The following PELI2 variants were observed in gnomAD, a reference collection of about 807,000 sequenced individuals.
PELI2 encodes E3 ubiquitin-protein ligase pellino homolog 2.
Under a neutral mutation model 42.3 loss-of-function variants are expected in PELI2, and 23 were observed. The observed-to-expected ratio is 0.54, with a 90% confidence interval of 0.39 to 0.77. The LOEUF (loss-of-function observed/expected upper bound fraction) is 0.77. Among genes scored for constraint, PELI2 ranks in the 30% least tolerant of loss-of-function variants. The probability of loss-of-function intolerance (pLI) is 0.00; values close to 1 mark genes in which losing one functional copy is unlikely to be tolerated. For synonymous variants in PELI2, 245 were observed against 212.2 expected (o/e 1.15, Z -1.34); for missense variants, 463 against 553.2 (o/e 0.84, Z 1.64).
At chr14:56,119,213 A>T (rs964159459) in intron 1 of PELI2, 1 of 151,474 alleles carries the variant, frequency 6.6e-6, no homozygotes, top group African/African-American at 2.4e-5. Flanking sequence ...GGACCGTGGT[A>T]CCCGCGCCCC....
intron 2 of PELI2, among the ~76,000 whole-genome samples, chr14:56,249,393 C>G (rs1888268282): frequency 6.6e-6 from 1 of 152,142 alleles, no homozygotes; most frequent in Non-Finnish European, 1.5e-5. Context: ...TTGTTAACAT[C>G]AGTGTGAAAG....
At chr14:56,248,184 C>G (rs1039974178) in intron 2 of PELI2, among the ~76,000 whole-genome samples, 1 of 152,122 alleles carries the variant, frequency 6.6e-6, no homozygotes, top group African/African-American at 2.4e-5. Context: ...GAAATACAGT[C>G]CAAAAATAAT....
chr14:56,210,222 G>A (rs1886665336), intron 2 of PELI2, among the ~76,000 whole-genome samples: 1 of 152,112 alleles, frequency 6.6e-6, no homozygotes, highest in African/African-American at 2.4e-5. Flanking sequence ...GGGTGCGGAG[G>A]AGGAAGAAGA....
At chr14:56,293,978 G>A (rs1889919750) in intron 5 of PELI2, among the ~76,000 whole-genome samples, 1 of 152,140 alleles carries the variant, frequency 6.6e-6, no homozygotes, top group African/African-American at 2.4e-5. Flanking sequence ...AGAATTGCCT[G>A]TGGTCAGCAA....
intron 3 of PELI2, among the ~76,000 whole-genome samples, chr14:56,280,943 A>C (rs966975022): frequency 6.6e-6 from 1 of 152,132 alleles, no homozygotes; most frequent in African/African-American, 2.4e-5. Context: ...TGGCCAATAA[A>C]TATATAAAAT....
chr14:56,145,125 G>A (rs1884067974), intron 1 of PELI2: 1 of 202,688 alleles, frequency 4.9e-6, no homozygotes, highest in Non-Finnish European at 8.8e-6. Flanking sequence ...AGGTAGTGTG[G>A]CTGGGGAGGC....
intron 1 of PELI2, among the ~76,000 whole-genome samples, chr14:56,140,222 G>C (rs113442909): frequency 6.6e-6 from 1 of 151,700 alleles, no homozygotes; most frequent in South Asian, 2.1e-4. Flanking sequence ...CATGAATGTC[G>C]TCAGGACTTG....
At chr14:56,245,734 T>A (rs562542454) in intron 2 of PELI2, among the ~76,000 whole-genome samples, 1 of 152,282 alleles carries the variant, frequency 6.6e-6, no homozygotes, top group East Asian at 1.9e-4. Flanking sequence ...AAACTGAGGA[T>A]CACAAATATT....
chr14:56,204,099 A>G (rs776920267), intron 2 of PELI2, among the ~76,000 whole-genome samples: 1 of 152,218 alleles, frequency 6.6e-6, no homozygotes, highest in Non-Finnish European at 1.5e-5. Flanking sequence ...GGCAGGCGTT[A>G]GAGGGCTTGT....
chr14:56,232,527 G>A (rs949772701), intron 2 of PELI2, among the ~76,000 whole-genome samples: 2 of 152,040 alleles, frequency 1.3e-5, no homozygotes, highest in African/African-American at 2.4e-5. Context: ...TATCTCAATA[G>A]ATGCAGAAAA....
intron 1 of PELI2, among the ~76,000 whole-genome samples, chr14:56,155,416 C>T (rs1325395292): frequency 2.0e-5 from 3 of 152,010 alleles, no homozygotes; most frequent in Admixed American, 1.3e-4. Context: ...CAATTCTTTT[C>T]TTTCAAAGTA....
chr14:56,178,400 G>A lies in PELI2; in HGVS notation c.143G>A (p.Arg48Gln), dbSNP rs149012362. ...AAAAGTAGATTTGCCCTCTACAAGC[G>A]GCCCAAGGCAAATGGTGTCAAACCC... ...RRKSRFALYK[R>Q]PKANGVKPST... Residue 48 changes from arginine (R) to glutamine (Q), a missense_variant, in exon 2 of 6, where the codon CGG (arginine) becomes CAG (glutamine). Transcript: ENST00000267460. 7 of 1,613,994 alleles carry A rather than the reference G, an allele frequency of 4.3e-6. No individual in the cohort carries two copies. Among genetic ancestry groups the A allele is most frequent in the East Asian group, 2.2e-5 (1 of 44,890 alleles).
intron 1 of PELI2, among the ~76,000 whole-genome samples, chr14:56,166,874 A>G (rs1227930197): frequency 1.3e-5 from 2 of 151,814 alleles, no homozygotes; most frequent in East Asian, 1.9e-4. Context: ...TGCAAGCTCC[A>G]TCTCCTGGGT....
At chr14:56,213,100 A>G (rs761294915) in intron 2 of PELI2, among the ~76,000 whole-genome samples, 10 of 152,172 alleles carry the variant, frequency 6.6e-5, no homozygotes, top group Non-Finnish European at 5.9e-5. Context: ...CCCATCTTTA[A>G]AATTATTCCT....
intron 2 of PELI2, among the ~76,000 whole-genome samples, chr14:56,231,945 GAAATACA>G (rs1887589669): frequency 6.6e-6 from 1 of 152,186 alleles, no homozygotes; most frequent in African/African-American, 2.4e-5. Context: ...CGATCCCACA[GAAATACA>G]AACCACCATC....
chr14:56,168,798 C>G (rs1885062928), intron 1 of PELI2, among the ~76,000 whole-genome samples: 2 of 152,106 alleles, frequency 1.3e-5, no homozygotes, highest in African/African-American at 4.8e-5. Flanking sequence ...CAGAAGCCAG[C>G]AAGTCTCACC....
At chr14:56,230,849 G>A (rs1887535193) in intron 2 of PELI2, among the ~76,000 whole-genome samples, 1 of 152,136 alleles carries the variant, frequency 6.6e-6, no homozygotes, top group African/African-American at 2.4e-5. Context: ...CTGTATTCAG[G>A]AGACCCATCT....
intron 2 of PELI2, among the ~76,000 whole-genome samples, chr14:56,262,321 A>G (rs1388113750): frequency 6.6e-6 from 1 of 152,190 alleles, no homozygotes; most frequent in Non-Finnish European, 1.5e-5. Flanking sequence ...AGACTTTTTA[A>G]TCAATAATAA....
Position 56,197,152 on chromosome 14 carries a change from G to A in PELI2, c.207+18688G>A, listed in dbSNP as rs555238127. ...TCCCTGCACAAATGGAGGTTGTAGG[G>A]TCAGAGGCAGGCAATAAATAAGAAA... On this transcript the variant is annotated intron_variant, in intron 2 of 5. Coordinates refer to ENST00000267460, the MANE Select transcript of PELI2 (RefSeq NM_021255.3). This position sits in a 1 kb window ranked among gnomAD's most constrained non-coding sequence, Gnocchi z 4.9. 5.7e-4 allele frequency among the ~76,000 whole-genome samples: 87 copies of A among 152,284 alleles called. 1 individual carries two copies. In the South Asian group the frequency reaches 0.017, roughly 30 times the overall value.
Sources: allele counts gnomAD v4.1 joint callset (sites outside exome capture counted in the v4.1 genomes callset), GRCh38; gene constraint gnomAD v4.1.1; non-coding constraint Gnocchi (gnomAD v3.1); transcripts MANE v1.5; gene names NCBI Gene and HGNC (gene_info 2026-07-23, HGNC 2026-07-21).